GALNT2: variants seen among roughly 807,000 people sequenced by gnomAD.
The protein encoded by GALNT2 is polypeptide N-acetylgalactosaminyltransferase 2, also known as UDP-GalNAc:polypeptide N-acetylgalactosaminyltransferase 2.
Under a neutral mutation model 81.4 loss-of-function variants are expected in GALNT2, and 31 were observed. The observed-to-expected ratio is 0.38, with a 90% CI of 0.29 to 0.51. The LOEUF is 0.51. Among genes scored for constraint, GALNT2 ranks in the 20% least tolerant of loss-of-function variants. The probability of loss-of-function intolerance (pLI) is 0.87; values close to 1 mark genes in which losing one functional copy is unlikely to be tolerated. For synonymous variants in GALNT2, 303 were observed against 287.4 expected (o/e 1.05, Z -0.55); for missense variants, 629 against 765.7 (o/e 0.82, Z 2.11).
chr1:230,176,832 G>T (rs775836575), intron 1 of GALNT2, among the ~76,000 whole-genome samples: 8 of 152,304 alleles, frequency 5.3e-5, no homozygotes, highest in East Asian at 3.9e-4. Flanking sequence ...TTGTTGCAGC[G>T]TGGGGTAAGA....
intron 2 of GALNT2, among the ~76,000 whole-genome samples, chr1:230,195,558 CGCAGTGGCCCT>C (rs1663667040): frequency 6.6e-6 from 1 of 152,152 alleles, no homozygotes; most frequent in Non-Finnish European, 1.5e-5. Context: ...ACACATACAT[CGCAGTGGCCCT>C]GCCTTATCTG....
At chr1:230,155,110 C>A (rs1017386707) in intron 1 of GALNT2, among the ~76,000 whole-genome samples, 12 of 152,194 alleles carry the variant, frequency 7.9e-5, no homozygotes, top group Admixed American at 7.2e-4. Flanking sequence ...ATGCACCCCC[C>A]ACCCCGTTTC....
rs1333501873 is a variant in GALNT2 at position 230,279,962 on chromosome 1, GCTC to G, written c.*509_*511del. On this transcript the variant is annotated 3_prime_UTR_variant, in exon 16 of 16. Transcript: ENST00000366672. This position sits in a 1 kb window ranked among gnomAD's most constrained non-coding sequence, Gnocchi z 4.6. ...GTTTACGTCAATAGTCCCTCTCTCT[GCTC>G]CTCCATTCGCAAGTGTCTTCCTGGG... 2.2e-6 allele frequency: 1 copy of G among 456,108 alleles called. No individual in the cohort carries two copies. Among genetic ancestry groups the G allele is most frequent in the East Asian group, 6.9e-5 (1 of 14,420 alleles). The allele number at this position is 456,108 out of a possible 1,614,324, so 28.3% of individuals were successfully genotyped here. A position where few individuals can be genotyped will look rare whatever the true frequency, so the allele number is the denominator to read the frequency against.
intron 3 of GALNT2, among the ~76,000 whole-genome samples, chr1:230,222,094 T>A (rs1664567933): frequency 7.1e-6 from 1 of 141,704 alleles, no homozygotes; most frequent in African/African-American, 2.7e-5. Flanking sequence ...TGGTGCGATC[T>A]CAGCTCACTG....
At position 230,086,404 on chromosome 1, in the gene GALNT2, G is replaced by A. The variant is rs1193754619; in HGVS notation, c.126+18998G>A. 6.6e-5 allele frequency among the ~76,000 whole-genome samples: 10 copies of A among 152,292 alleles called. No homozygotes were observed. In the South Asian group the frequency reaches 1.9e-3, roughly 28 times the overall value. ...GAGGTAGGGCAAGGAGGGAGTTGGA[G>A]TGAGGAAAAATGCCTAAGTCAAGGG... On this transcript the variant is annotated intron_variant, in intron 1 of 15. Coordinates refer to ENST00000366672, the MANE Select transcript of GALNT2 (RefSeq NM_004481.5).
intron 1 of GALNT2, among the ~76,000 whole-genome samples, chr1:230,171,671 G>A (rs1007588219): frequency 6.6e-6 from 1 of 152,050 alleles, no homozygotes; most frequent in Non-Finnish European, 1.5e-5. Flanking sequence ...TATGATGTTC[G>A]CCATTTAAAT....
intron 1 of GALNT2, among the ~76,000 whole-genome samples, chr1:230,151,425 C>T (rs142458263): frequency 6.6e-6 from 1 of 152,336 alleles, no homozygotes; most frequent in Non-Finnish European, 1.5e-5. Context: ...TGTAAGGTGG[C>T]TTTGGGGCAC....
At chr1:230,063,308 C>CA (rs764050799), upstream of GALNT2, among the ~76,000 whole-genome samples, 1,827 of 88,962 alleles carry the variant, frequency 0.021, 31 homozygotes, top group African/African-American at 0.052. Context: ...AAGTGTCCAC[C>CA]AAAAAAAAAA....
At chr1:230,129,564 C>A (rs981290174) in intron 1 of GALNT2, among the ~76,000 whole-genome samples, 1 of 152,152 alleles carries the variant, frequency 6.6e-6, no homozygotes, top group Admixed American at 6.5e-5. Flanking sequence ...AAGTGATCTT[C>A]CCCTCTCGGC....
Position 230,271,163 on chromosome 1 carries a change from C to T in GALNT2, c.1441-3282C>T, listed in dbSNP as rs1230112924. Among the ~76,000 whole-genome samples, 1 of 152,242 alleles carries T rather than the reference C, an allele frequency of 6.6e-6. No homozygotes were observed. Among genetic ancestry groups the T allele is most frequent in the Admixed American group, 6.5e-5 (1 of 15,284 alleles). On this transcript the variant is annotated intron_variant, in intron 14 of 15. Coordinates refer to ENST00000366672, the MANE Select transcript of GALNT2 (RefSeq NM_004481.5). This position sits in a 1 kb window ranked among gnomAD's most constrained non-coding sequence, Gnocchi z 4.2. Reference sequence around the variant, plus strand: ...CGTCTCTGTGTACCACAGTTTCACACATCCTGGTGGTGTCCCCAGCCCCTG... The same window carrying T: ...CGTCTCTGTGTACCACAGTTTCACATATCCTGGTGGTGTCCCCAGCCCCTG...
chr1:230,179,208 G>A (rs585361), intron 2 of GALNT2, among the ~76,000 whole-genome samples: 35,044 of 151,874 alleles, frequency 0.23, 4,901 homozygotes, highest in African/African-American at 0.39. Flanking sequence ...CCTAGTGAAG[G>A]ACATCTTGGT....
At chr1:230,263,980 G>T (rs1665957012) in intron 13 of GALNT2, 1 of 152,230 alleles carries the variant, frequency 6.6e-6, no homozygotes, top group South Asian at 2.1e-4. Flanking sequence ...AACATGCCAG[G>T]CGCCAGGTGG....
chr1:230,269,135 A>ATTTTT, intron 14 of GALNT2, among the ~76,000 whole-genome samples: 1 of 125,986 alleles, frequency 7.9e-6, no homozygotes, highest in Non-Finnish European at 1.7e-5. Context: ...GCTCAGAGAA[A>ATTTTT]TTTTTTTTTT....
intron 2 of GALNT2, among the ~76,000 whole-genome samples, chr1:230,201,904 A>C (rs1447125609): frequency 6.6e-6 from 1 of 152,192 alleles, no homozygotes; most frequent in East Asian, 1.9e-4. Flanking sequence ...AAAGAACAGG[A>C]ACCCTGTACT....
intron 14 of GALNT2, among the ~76,000 whole-genome samples, chr1:230,273,683 A>ATG (rs764422597): frequency 7.2e-5 from 11 of 152,098 alleles, no homozygotes; most frequent in Non-Finnish European, 1.5e-4. Context: ...TTGTACATAT[A>ATG]TGTGTGTGTT....
intron 1 of GALNT2, among the ~76,000 whole-genome samples, chr1:230,141,215 G>T (rs1661719713): frequency 6.6e-6 from 1 of 152,186 alleles, no homozygotes; most frequent in Non-Finnish European, 1.5e-5. Flanking sequence ...ACAGCTGAAA[G>T]GAGAGATCCT....
chr1:230,104,319 G>C (rs529599438), intron 1 of GALNT2, among the ~76,000 whole-genome samples: 1 of 152,160 alleles, frequency 6.6e-6, no homozygotes. Flanking sequence ...TATCTTCTGG[G>C]GTATTTGGGT....
intron 1 of GALNT2, among the ~76,000 whole-genome samples, chr1:230,138,028 T>G (rs930004684): frequency 6.6e-6 from 1 of 152,178 alleles, no homozygotes; most frequent in Non-Finnish European, 1.5e-5. Context: ...CAGTGATGAC[T>G]TAATAGAAAA....
chr1:230,106,197 C>T (rs1223310472), intron 1 of GALNT2, among the ~76,000 whole-genome samples: 6 of 152,158 alleles, frequency 3.9e-5, no homozygotes, highest in African/African-American at 7.2e-5. Flanking sequence ...TTTTGTATTC[C>T]CTGATCAGCT....
Sources: allele counts gnomAD v4.1 joint callset (sites outside exome capture counted in the v4.1 genomes callset), GRCh38; gene constraint gnomAD v4.1.1; non-coding constraint Gnocchi (gnomAD v3.1); transcripts MANE v1.5; gene names NCBI Gene and HGNC (gene_info 2026-07-23, HGNC 2026-07-21).